The following LATS2 variants were observed in gnomAD, a reference collection of about 807,000 sequenced individuals.
The protein encoded by LATS2 is large tumor suppressor kinase 2.
A neutral mutation model predicts 76.0 loss-of-function variants in LATS2; 24 were observed. That is an observed-to-expected ratio of 0.32 (90% CI 0.23 to 0.44). The LOEUF (loss-of-function observed/expected upper bound fraction) is 0.44, where lower values mean the gene tolerates loss of function less well. LATS2 is among the 20% of genes least tolerant of loss of function. The probability of loss-of-function intolerance (pLI) is 1.00; values close to 1 mark genes in which losing one functional copy is unlikely to be tolerated. For missense variants in LATS2, 1,286 were observed against 1,481.2 expected, an observed-to-expected ratio of 0.87 and a Z score of 2.16; for synonymous variants, 692 against 635.4, an observed-to-expected ratio of 1.09 and a Z score of -1.34.
intron 2 of LATS2, among the ~76,000 whole-genome samples, chr13:21,011,077 G>A (rs1490783751): frequency 1.3e-5 from 2 of 152,194 alleles, no homozygotes; most frequent in Non-Finnish European, 2.9e-5. Context: ...TATCAACATG[G>A]TAATGGTAGC....
At position 20,997,549 on chromosome 13, in the gene LATS2, T is replaced by C. The variant is rs1275420281; in HGVS notation, c.343-6145A>G. ...CTCCCCATGGGATGGTCCAGGCCTC[T>C]GTTGCAGGTACATCACCATTTAATG... On this transcript the variant is annotated intron_variant, in intron 2 of 7. Transcript: ENST00000382592. Among the ~76,000 whole-genome samples, 4 of 152,240 alleles carry C rather than the reference T, an allele frequency of 2.6e-5. No individual in the cohort carries two copies. The East Asian group carries it at 5.8e-4, about 22-fold the overall frequency.
intron 2 of LATS2, among the ~76,000 whole-genome samples, chr13:21,002,930 G>A (rs1427541287): frequency 1.3e-5 from 2 of 151,984 alleles, no homozygotes; most frequent in South Asian, 2.1e-4. Flanking sequence ...TCAAACTCCT[G>A]GCCTCAAGCA....
chr13:21,056,418 A>G (rs945130859), intron 1 of LATS2, among the ~76,000 whole-genome samples: 2 of 152,228 alleles, frequency 1.3e-5, no homozygotes, highest in African/African-American at 4.8e-5. Flanking sequence ...TTTGTACATT[A>G]TATTTTTATG....
intron 2 of LATS2, among the ~76,000 whole-genome samples, chr13:21,002,330 C>T (rs1184270755): frequency 6.6e-6 from 1 of 151,288 alleles, no homozygotes; most frequent in Non-Finnish European, 1.5e-5. Flanking sequence ...ATAATCTGGA[C>T]AAATATGCCC....
chr13:21,060,637 G>A (rs1873607405), intron 1 of LATS2, among the ~76,000 whole-genome samples: 1 of 151,634 alleles, frequency 6.6e-6, no homozygotes, highest in Admixed American at 6.6e-5. Context: ...GGGGAACGGG[G>A]TGGGAACCGC....
intron 1 of LATS2, among the ~76,000 whole-genome samples, chr13:21,049,009 A>G (rs1873169571): frequency 6.6e-6 from 1 of 152,180 alleles, no homozygotes; most frequent in Non-Finnish European, 1.5e-5. Context: ...CCTGGAGAAT[A>G]AAAAAGAAAG....
chr13:21,007,561 ATATATATATAT>A (rs1871324152), intron 2 of LATS2, among the ~76,000 whole-genome samples: 1 of 17,296 alleles, frequency 5.8e-5, no homozygotes, highest in Non-Finnish European at 7.8e-5. Flanking sequence ...ATATATATAT[ATATATATATAT>A]ATATATATAT....
intron 2 of LATS2, among the ~76,000 whole-genome samples, chr13:21,040,014 A>G (rs1872812621): frequency 6.6e-6 from 1 of 152,002 alleles, no homozygotes; most frequent in African/African-American, 2.4e-5. Context: ...CAGAGGTTGC[A>G]GTAAGCCGAG....
At position 20,988,418 on chromosome 13, in the gene LATS2, C is replaced by T. The variant is rs745859546; in HGVS notation, c.1362G>A (p.Pro454=). The change falls in exon 4 of 8, where the codon CCG becomes CCA. Residue 454 remains proline (P), a synonymous_variant. Transcript: ENST00000382592. The part of the protein sequence containing the change: ...VKSVRVLRPE[P]QTAVGPSHPA... ...GGTGCGAGGGCCCCACAGCCGTCTG[C>T]GGCTCCGGCCTCAGCACACGCACGC... The T allele has an allele frequency of 1.2e-4, 175 of 1,430,384 alleles. 1 individual carries two copies. In the Middle Eastern group the frequency reaches 2.7e-3, roughly 22 times the overall value. 88.6% of individuals were successfully genotyped at this position (1,430,384 alleles called of 1,614,324 possible).
At chr13:21,005,868 C>T (rs1351622326) in intron 2 of LATS2, among the ~76,000 whole-genome samples, 1 of 150,176 alleles carries the variant, frequency 6.7e-6, no homozygotes, top group Non-Finnish European at 1.5e-5. Flanking sequence ...AATCCCAGTA[C>T]TTTGGGAGGC....
intron 4 of LATS2, 63 bp from the exon 5 acceptor site, chr13:20,983,869 C>CT: frequency 1.5e-6 from 2 of 1,332,614 alleles, no homozygotes; most frequent in South Asian, 2.6e-5. Context: ...TAACAAATGA[C>CT]TGGGATGGGG....
intron 1 of LATS2, among the ~76,000 whole-genome samples, chr13:21,051,901 G>A (rs1873284274): frequency 6.6e-6 from 1 of 152,194 alleles, no homozygotes; most frequent in Non-Finnish European, 1.5e-5. Flanking sequence ...AGGCTGCAGT[G>A]AGTCAAGGTC....
At position 20,974,225 on chromosome 13, in the gene LATS2, CCA is replaced by C. The variant is rs926199863; in HGVS notation, c.*643_*644del. 8.9e-6 allele frequency: 2 copies of C among 223,770 alleles called. No individual in the cohort carries two copies. Among genetic ancestry groups the C allele is most frequent in the Non-Finnish European group, 1.8e-5 (2 of 112,174 alleles). The allele number at this position is 223,770 out of a possible 1,614,324, so 13.9% of individuals were successfully genotyped here. The stretch of plus-strand genomic sequence containing the variant: ...AAGAACTCTGCTCATGCAGTACTCT[CCA>C]CACACCAGACGTCGGAAATCACAGC... On this transcript the variant is annotated 3_prime_UTR_variant, in exon 8 of 8. Coordinates refer to ENST00000382592, the MANE Select transcript of LATS2 (RefSeq NM_014572.3).
intron 7 of LATS2, 136 bp from the exon 8 acceptor site, chr13:20,975,500 T>G (rs752077857): frequency 1.1e-6 from 1 of 929,700 alleles, no homozygotes; most frequent in South Asian, 1.9e-5. Flanking sequence ...CAAGCAGCAG[T>G]TGTTGATCTC....
In LATS2 at chr13:20,991,387, A is replaced by C; in HGVS notation, c.360T>G (p.Ala120=). Residue 120 remains alanine (A), a synonymous_variant, in exon 3 of 8, where the codon GCT becomes GCG. Coordinates refer to ENST00000382592, the MANE Select transcript of LATS2 (RefSeq NM_014572.3). The surrounding 1 kb of genome is among the most constrained non-coding windows in gnomAD (Gnocchi z 4.9). The part of the protein sequence containing the change: ...AGCDQEMAGR[A]LKQTGSRSIE... Reference sequence around the variant, plus strand: ...TGCTCCTGCTGCCAGTCTGCTTGAGAGCTCGGCCAGCCATCTCCTGGGAGG... The same window carrying C: ...TGCTCCTGCTGCCAGTCTGCTTGAGCGCTCGGCCAGCCATCTCCTGGGAGG... 6.2e-7 allele frequency: 1 copy of C among 1,614,108 alleles called. No individual in the cohort carries two copies. Among genetic ancestry groups the C allele is most frequent in the Non-Finnish European group, 8.5e-7 (1 of 1,180,022 alleles).
intron 2 of LATS2, among the ~76,000 whole-genome samples, chr13:20,995,711 G>T (rs933630839): frequency 2.0e-5 from 3 of 152,156 alleles, no homozygotes; most frequent in African/African-American, 7.2e-5. Flanking sequence ...ACAGGCTAAA[G>T]GGAATTTCAA....
chr13:21,016,345 G>A (rs770108766), intron 2 of LATS2, among the ~76,000 whole-genome samples: 119 of 147,548 alleles, frequency 8.1e-4, no homozygotes, highest in Non-Finnish European at 1.5e-3. Context: ...GTACAGTGGC[G>A]TGATCTCGGC....
chr13:20,989,367 C>T (rs1300683471), intron 3 of LATS2, 63 bp from the exon 4 acceptor site: 1 of 1,561,864 alleles, frequency 6.4e-7, no homozygotes, highest in Non-Finnish European at 8.8e-7. Flanking sequence ...TCTGGCACTT[C>T]CAGGCTGGTC....
At position 20,983,590 on chromosome 13, in the gene LATS2, T is replaced by A; in HGVS notation, c.2116A>T (p.Asn706Tyr). ...MKTLRKKDVL[N>Y]RNQVAHVKAE... Reference sequence around the variant, plus strand: ...TTGACGTGGGCCACCTGATTCCGGTTCAGGACATCCTTTTTCCTTAGGGTC... The same window carrying A: ...TTGACGTGGGCCACCTGATTCCGGTACAGGACATCCTTTTTCCTTAGGGTC... Residue 706 changes from asparagine to tyrosine, a missense_variant, in exon 5 of 8, where the codon AAC becomes TAC. Transcript: ENST00000382592. 6.2e-7 allele frequency: 1 copy of A among 1,614,154 alleles called. No homozygotes were observed. The highest frequency in any genetic ancestry group is 8.5e-7 in the Non-Finnish European group (1 of 1,180,020).
Sources: allele counts gnomAD v4.1 joint callset (sites outside exome capture counted in the v4.1 genomes callset), GRCh38; gene constraint gnomAD v4.1.1; non-coding constraint Gnocchi (gnomAD v3.1); transcripts MANE v1.5; gene names NCBI Gene and HGNC (gene_info 2026-07-23, HGNC 2026-07-21).